CADPS: variants seen among roughly 807,000 people sequenced by gnomAD.
CADPS encodes calcium dependent secretion activator.
CADPS carries 57 observed loss-of-function variants against 167.3 expected under a neutral mutation model. The ratio of observed to expected loss-of-function variants is 0.34; its 90% CI spans 0.28 to 0.42. The LOEUF (loss-of-function observed/expected upper bound fraction) is 0.42. CADPS is among the 20% of genes least tolerant of loss of function. The probability of loss-of-function intolerance (pLI) is 1.00; values close to 1 mark genes in which losing one functional copy is unlikely to be tolerated. For missense variants in CADPS, 1,414 were observed against 1,738.1 expected (o/e 0.81, Z 3.32); for synonymous variants, 676 against 635.3 (o/e 1.06, Z -0.96).
At chr3:62,673,783 G>A (rs998999167) in intron 3 of CADPS, among the ~76,000 whole-genome samples, 1 of 152,116 alleles carries the variant, frequency 6.6e-6, no homozygotes, top group African/African-American at 2.4e-5. Flanking sequence ...CAAGCCAGAG[G>A]TGATTATATT....
chr3:62,816,090 C>G (rs1399893077), intron 1 of CADPS, among the ~76,000 whole-genome samples: 1 of 152,056 alleles, frequency 6.6e-6, no homozygotes, highest in Non-Finnish European at 1.5e-5. Context: ...TTTAAATTAA[C>G]AGTTTCATGA....
intron 1 of CADPS, among the ~76,000 whole-genome samples, chr3:62,862,810 G>GT (rs932698575): frequency 1.9e-4 from 29 of 152,186 alleles, no homozygotes; most frequent in Admixed American, 9.8e-4. Context: ...GTAAATTCAA[G>GT]TCTGACAGTG....
intron 1 of CADPS, among the ~76,000 whole-genome samples, chr3:62,822,088 G>C (rs2152937213): frequency 1.3e-5 from 2 of 152,224 alleles, no homozygotes; most frequent in Non-Finnish European, 2.9e-5. Flanking sequence ...TCAGCTAAAG[G>C]CTGGAGAAAA....
chr3:62,525,141 T>A (rs985178399), intron 13 of CADPS, among the ~76,000 whole-genome samples: 7 of 152,096 alleles, frequency 4.6e-5, no homozygotes, highest in African/African-American at 1.7e-4. Context: ...TATCTGATGG[T>A]TTGCTATGGG....
intron 6 of CADPS, among the ~76,000 whole-genome samples, chr3:62,615,600 C>T (rs2062140979): frequency 6.6e-6 from 1 of 152,168 alleles, no homozygotes; most frequent in African/African-American, 2.4e-5. Flanking sequence ...GGTTTACACT[C>T]AGTTTCTGAA....
chr3:62,643,016 T>C (rs1431987881), intron 6 of CADPS, among the ~76,000 whole-genome samples: 1 of 152,006 alleles, frequency 6.6e-6, no homozygotes, highest in Non-Finnish European at 1.5e-5. Flanking sequence ...GAAAAACTAC[T>C]AGAAGTGAAC....
intron 1 of CADPS, among the ~76,000 whole-genome samples, chr3:62,857,021 TA>T (rs1179293051): frequency 6.6e-6 from 1 of 152,018 alleles, no homozygotes; most frequent in Non-Finnish European, 1.5e-5. Flanking sequence ...CAGCTAGACA[TA>T]AATATGTCGA....
At chr3:62,724,044 G>A (rs1030671289) in intron 3 of CADPS, among the ~76,000 whole-genome samples, 10 of 152,186 alleles carry the variant, frequency 6.6e-5, no homozygotes, top group Non-Finnish European at 1.5e-4. Flanking sequence ...TGAGATGGGC[G>A]CCAGCTGTTT....
Position 62,628,598 on chromosome 3 carries a change from T to A in CADPS, c.1325+17124A>T, listed in dbSNP as rs73092263. ...TACTCCTTTACACACACACACACAC[T>A]CTCTCTCTCTCCATTCAACCATGAG... On this transcript the variant is annotated intron_variant, in intron 6 of 29. Transcript: ENST00000383710. 1.2e-3 allele frequency among the ~76,000 whole-genome samples: 147 copies of A among 122,506 alleles called. 1 individual carries two copies. The East Asian group carries it at 0.037, about 31-fold the overall frequency. The allele number at this position is 122,506 out of a possible 152,430, so 80.4% of individuals were successfully genotyped here.
rs2055711866 is a variant in CADPS, at chr3:62,438,836, C to T, written c.3670-625G>A. 1 of 151,262 alleles carries T rather than the reference C, an allele frequency of 6.6e-6. No homozygotes were observed. The highest frequency in any genetic ancestry group is 2.4e-5 in the African/African-American group (1 of 41,148). The allele number at this position is 151,262 out of a possible 1,614,324, so 9.4% of individuals were successfully genotyped here. ...GGAGACACTAAACCATTTGTCTTTG[C>T]TTCCAGTGCAGCCTTAAAGTCCAAG... On this transcript the variant is annotated intron_variant, in intron 27 of 29. Transcript: ENST00000383710. This position sits in a 1 kb window ranked among gnomAD's most constrained non-coding sequence, Gnocchi z 4.7.
At chr3:62,611,213 G>A (rs113379985) in intron 6 of CADPS, among the ~76,000 whole-genome samples, 2 of 152,168 alleles carry the variant, frequency 1.3e-5, no homozygotes, top group African/African-American at 4.8e-5. Flanking sequence ...CAGGTCAGCA[G>A]TTGGCAGCTC....
intron 1 of CADPS, chr3:62,796,089 A>G (rs1451093850): frequency 6.6e-6 from 1 of 152,256 alleles, no homozygotes; most frequent in Non-Finnish European, 1.5e-5. Context: ...TTTATTCAGG[A>G]AAATGAAGGT....
At chr3:62,457,441 A>C (rs1484339188) in intron 26 of CADPS, among the ~76,000 whole-genome samples, 1 of 152,242 alleles carries the variant, frequency 6.6e-6, no homozygotes, top group Non-Finnish European at 1.5e-5. Context: ...ATTAATAAAG[A>C]GGTGTTTTAG....
intron 26 of CADPS, among the ~76,000 whole-genome samples, chr3:62,449,431 A>G (rs1046437065): frequency 2.6e-5 from 4 of 152,198 alleles, no homozygotes; most frequent in Non-Finnish European, 5.9e-5. Context: ...AATTGACAGA[A>G]CCAGGATGAG....
intron 3 of CADPS, among the ~76,000 whole-genome samples, chr3:62,715,091 T>G (rs304200): frequency 0.062 from 9,383 of 152,248 alleles, 332 homozygotes; most frequent in Middle Eastern, 0.095. Context: ...AGATACATGC[T>G]GAAATAAATA....
intron 26 of CADPS, among the ~76,000 whole-genome samples, chr3:62,454,958 G>C (rs1396692565): frequency 6.6e-6 from 1 of 152,096 alleles, no homozygotes; most frequent in Non-Finnish European, 1.5e-5. Flanking sequence ...GCACTGCTGG[G>C]GAGTTGGGCA....
chr3:62,869,592 T>G (rs1376300773), intron 1 of CADPS, among the ~76,000 whole-genome samples: 1 of 152,156 alleles, frequency 6.6e-6, no homozygotes, highest in East Asian at 1.9e-4. Flanking sequence ...TGCACTCTTC[T>G]TTCTTCCTTC....
chr3:62,710,209 G>A (rs1041874485), intron 3 of CADPS, among the ~76,000 whole-genome samples: 11 of 151,776 alleles, frequency 7.2e-5, no homozygotes, highest in African/African-American at 2.4e-4. Context: ...TGTTGACTGA[G>A]TGAATGATTC....
chr3:62,777,887 A>G (rs1377951381), intron 1 of CADPS, among the ~76,000 whole-genome samples: 1 of 152,168 alleles, frequency 6.6e-6, no homozygotes, highest in East Asian at 1.9e-4. Flanking sequence ...GTAAAAAGCC[A>G]TCAGTATTTC....
Sources: allele counts gnomAD v4.1 joint callset (sites outside exome capture counted in the v4.1 genomes callset), GRCh38; gene constraint gnomAD v4.1.1; non-coding constraint Gnocchi (gnomAD v3.1); transcripts MANE v1.5; gene names NCBI Gene and HGNC (gene_info 2026-07-23, HGNC 2026-07-21).